KCNQ1: variants seen among roughly 807,000 people sequenced by gnomAD.
KCNQ1 encodes potassium voltage-gated channel subfamily KQT member 1.
Under a neutral mutation model 72.4 loss-of-function variants are expected in KCNQ1, and 49 were observed. The ratio of observed to expected loss-of-function variants is 0.68; its 90% CI spans 0.54 to 0.86. The LOEUF is 0.86. Ranked by LOEUF, KCNQ1 falls within the 40% of genes least tolerant of loss-of-function variation. The pLI is 0.00. For synonymous variants in KCNQ1, 450 were observed against 412.6 expected (o/e 1.09, Z -1.10); for missense variants, 790 against 945.1 (o/e 0.84, Z 2.15).
Position 2,726,737 on chromosome 11 carries a change from G to A in KCNQ1, c.1515-42107G>A, listed in dbSNP as rs972057193. Among the ~76,000 whole-genome samples the A allele has an allele frequency of 2.0e-5, 3 of 152,218 alleles. No homozygotes were observed. The East Asian group carries it at 5.8e-4, about 29-fold the overall frequency. On this transcript the variant is annotated intron_variant, in intron 11 of 15. Coordinates refer to ENST00000155840, the MANE Select transcript of KCNQ1 (RefSeq NM_000218.3). ...AGCTGACTTTAATACGGGGGAAATA[G>A]TGATTTTAAAGCCGGCTTTCCCATG... is the stretch of plus-strand genomic sequence containing the variant.
At position 2,544,212 on chromosome 11, in the gene KCNQ1, A is replaced by G. The variant is rs1847865555; in HGVS notation, c.477+16194A>G. Among the ~76,000 whole-genome samples the G allele has an allele frequency of 6.6e-6, 1 of 151,136 alleles. No individual in the cohort carries two copies. Among genetic ancestry groups the G allele is most frequent in the Non-Finnish European group, 1.5e-5 (1 of 67,958 alleles). ...CCAATATTGAATCCTCTGATCAATGAGATTATCTATCTCATATATATATAT... is the reference window on the plus strand; with the variant it reads ...CCAATATTGAATCCTCTGATCAATGGGATTATCTATCTCATATATATATAT... On this transcript the variant is annotated intron_variant, in intron 2 of 15. Transcript: ENST00000155840. The surrounding 1 kb of genome is among the most constrained non-coding windows in gnomAD (Gnocchi z 4.4).
Position 2,491,265 on chromosome 11 carries a change from C to T in KCNQ1, c.387-36663C>T, listed in dbSNP as rs1846832208. ...AACAAACTAAATAAAGCATCAGGGA[C>T]CAATCCTGAAGAAAAGAGATATGTG... is the stretch of plus-strand genomic sequence containing the variant. On this transcript the variant is annotated intron_variant, in intron 1 of 15. Coordinates refer to ENST00000155840, the MANE Select transcript of KCNQ1 (RefSeq NM_000218.3). The surrounding 1 kb of genome is among the most constrained non-coding windows in gnomAD (Gnocchi z 4.1). Among the ~76,000 whole-genome samples the T allele has an allele frequency of 6.6e-6, 1 of 152,044 alleles. No homozygotes were observed. Among genetic ancestry groups the T allele is most frequent in the Non-Finnish European group, 1.5e-5 (1 of 68,010 alleles).
chr11:2,594,066 C>G (rs1321415810), intron 10 of KCNQ1, among the ~76,000 whole-genome samples: 1 of 152,208 alleles, frequency 6.6e-6, no homozygotes, highest in Non-Finnish European at 1.5e-5. Flanking sequence ...CACAGACTTG[C>G]AGTTTTCTGT....
rs34286049 is a variant in KCNQ1 at position 2,767,188 on chromosome 11, T to TGTGTGTGTA, written c.1515-1656_1515-1655insGTGTGTGTA. 1.6e-4 allele frequency among the ~76,000 whole-genome samples: 22 copies of TGTGTGTGTA among 139,354 alleles called. No homozygotes were observed. Among genetic ancestry groups the TGTGTGTGTA allele is most frequent in the Admixed American group, 5.2e-4 (7 of 13,412 alleles). 91.4% of individuals were successfully genotyped at this position (139,354 alleles called of 152,430 possible). A position where few individuals can be genotyped will look rare whatever the true frequency, so the allele number is the denominator to read the frequency against. Reference sequence around the variant, plus strand: ...TCTATATGTGTGTGTGTGTGTGTATTTTTTTTTTTCTTTGCTTAGCTAGGA... The same window carrying TGTGTGTGTA: ...TCTATATGTGTGTGTGTGTGTGTATTGTGTGTGTATTTTTTTTTCTTTGCTTAGCTAGGA... On this transcript the variant is annotated intron_variant, in intron 11 of 15. Transcript: ENST00000155840. This position sits in a 1 kb window ranked among gnomAD's most constrained non-coding sequence, Gnocchi z 4.6.
Position 2,664,761 on chromosome 11 carries a change from CAG to C in KCNQ1, c.1514+2681_1514+2682del, listed in dbSNP as rs1491093318. On this transcript the variant is annotated intron_variant, in intron 11 of 15. Coordinates refer to ENST00000155840, the MANE Select transcript of KCNQ1 (RefSeq NM_000218.3). The surrounding 1 kb of genome is among the most constrained non-coding windows in gnomAD (Gnocchi z 5.1). ...GACAGGGATGTGTGCTGGGGTCTCA[CAG>C]GGGGCAGAGTGGGTGGGAGGCAGTT... 8 of 398,646 alleles carry C rather than the reference CAG, an allele frequency of 2.0e-5. No homozygotes were observed. Among genetic ancestry groups the C allele is most frequent in the African/African-American group, 1.4e-4 (7 of 48,586 alleles). The allele number at this position is 398,646 out of a possible 1,614,324, so 24.7% of individuals were successfully genotyped here.
chr11:2,727,065 G>C (rs1300043118), intron 11 of KCNQ1, among the ~76,000 whole-genome samples: 2 of 152,216 alleles, frequency 1.3e-5, no homozygotes, highest in Admixed American at 1.3e-4. Flanking sequence ...CCTCTGCCCT[G>C]TTAGGTTTGC....
At chr11:2,504,965 T>C (rs1847079509) in intron 1 of KCNQ1, among the ~76,000 whole-genome samples, 1 of 152,206 alleles carries the variant, frequency 6.6e-6, no homozygotes, top group African/African-American at 2.4e-5. Flanking sequence ...AATTTTTCTG[T>C]TAGTAACGCT....
chr11:2,707,942 G>A (rs750113744), intron 11 of KCNQ1, among the ~76,000 whole-genome samples: 1 of 152,236 alleles, frequency 6.6e-6, no homozygotes, highest in African/African-American at 2.4e-5. Flanking sequence ...CGCCGAACCT[G>A]CATGTGCCAC....
intron 1 of KCNQ1, among the ~76,000 whole-genome samples, chr11:2,503,463 C>T (rs959178784): frequency 6.7e-6 from 1 of 149,224 alleles, no homozygotes; most frequent in Admixed American, 6.8e-5. Context: ...ACCGCATGTT[C>T]TCACTCATAG....
chr11:2,771,838 C>A (rs543080321), intron 12 of KCNQ1, among the ~76,000 whole-genome samples: 1 of 152,310 alleles, frequency 6.6e-6, no homozygotes, highest in South Asian at 2.1e-4. Context: ...GTGAGCCCTG[C>A]ACTCCCTTCC....
chr11:2,594,049 A>G (rs1848704838), intron 10 of KCNQ1, among the ~76,000 whole-genome samples: 1 of 152,026 alleles, frequency 6.6e-6, no homozygotes, highest in Non-Finnish European at 1.5e-5. Flanking sequence ...ACATTGAGAT[A>G]TTTACTCACA....
chr11:2,577,351 G>A (rs1184482634), intron 6 of KCNQ1, among the ~76,000 whole-genome samples: 1 of 152,230 alleles, frequency 6.6e-6, no homozygotes, highest in Non-Finnish European at 1.5e-5. Context: ...TTCGGCCCAG[G>A]AGCAGGGAGG....
Position 2,445,094 on chromosome 11 carries a change from T to C in KCNQ1, c.-5T>C, listed in dbSNP as rs532941548. The C allele has an allele frequency of 4.3e-3, 4,602 of 1,077,632 alleles. 13 individuals are homozygous for C. The highest frequency in any genetic ancestry group is 4.8e-3 in the Non-Finnish European group (4,301 of 888,912). The allele number at this position is 1,077,632 out of a possible 1,614,324, so 66.8% of individuals were successfully genotyped here. A position where few individuals can be genotyped will look rare whatever the true frequency, so the allele number is the denominator to read the frequency against. ...GGGCCGGCCCCCCGGCAGGCCCTCC[T>C]CGTTATGGCCGCGGCCTCCTCCCCG... On this transcript the variant is annotated 5_prime_UTR_variant, in exon 1 of 16. Transcript: ENST00000155840.
chr11:2,523,910 A>G (rs907666509), intron 1 of KCNQ1, among the ~76,000 whole-genome samples: 1 of 151,988 alleles, frequency 6.6e-6, no homozygotes, highest in Non-Finnish European at 1.5e-5. Context: ...CGTGCAGGTC[A>G]CTGAGAGGCT....
intron 11 of KCNQ1, among the ~76,000 whole-genome samples, chr11:2,726,573 G>C (rs1845768351): frequency 6.6e-6 from 1 of 150,950 alleles, no homozygotes; most frequent in African/African-American, 2.4e-5. Context: ...CAGAAGTCCA[G>C]AGGGACACTG....
Position 2,567,551 on chromosome 11 carries a change from GAT to G in KCNQ1, c.478-3075_478-3074del. Among the ~76,000 whole-genome samples the G allele has an allele frequency of 6.6e-6, 1 of 152,310 alleles. No homozygotes were observed. Among genetic ancestry groups the G allele is most frequent in the African/African-American group, 2.4e-5 (1 of 41,564 alleles). ...AGCGTTTGAGGCTGATGGTGGTGGA[GAT>G]AGTTTTATCTCTGAGCAAACATTCC... On this transcript the variant is annotated intron_variant, in intron 2 of 15. Transcript: ENST00000155840. The surrounding 1 kb of genome is among the most constrained non-coding windows in gnomAD (Gnocchi z 6.6).
intron 15 of KCNQ1, among the ~76,000 whole-genome samples, chr11:2,829,920 C>T (rs1847906958): frequency 8.6e-6 from 1 of 115,810 alleles, no homozygotes; most frequent in Non-Finnish European, 1.7e-5. Flanking sequence ...ATAGGGAATT[C>T]TGCCAATACC....
rs543572217 is a variant in KCNQ1, at chr11:2,695,434, T to C, written c.1514+33353T>C. On this transcript the variant is annotated intron_variant, in intron 11 of 15. Coordinates refer to ENST00000155840, the MANE Select transcript of KCNQ1 (RefSeq NM_000218.3). This position sits in a 1 kb window ranked among gnomAD's most constrained non-coding sequence, Gnocchi z 5.2. ...TCATGTACTGAGGCCCTCTTTCTGT[T>C]TGGCATTTGTGTCACTCAGCACTGT... The C allele has an allele frequency of 5.8e-5, 23 of 398,562 alleles. No homozygotes were observed. In the East Asian group the frequency reaches 6.8e-4, roughly 12 times the overall value. 24.7% of individuals were successfully genotyped at this position (398,562 alleles called of 1,614,324 possible).
rs1010745843 is a variant in KCNQ1, at chr11:2,515,441, C to A, written c.387-12487C>A. 2.0e-5 allele frequency among the ~76,000 whole-genome samples: 3 copies of A among 152,312 alleles called. No homozygotes were observed. Among genetic ancestry groups the A allele is most frequent in the African/African-American group, 7.2e-5 (3 of 41,574 alleles). On this transcript the variant is annotated intron_variant, in intron 1 of 15. Coordinates refer to ENST00000155840, the MANE Select transcript of KCNQ1 (RefSeq NM_000218.3). This position sits in a 1 kb window ranked among gnomAD's most constrained non-coding sequence, Gnocchi z 4.7. The stretch of plus-strand genomic sequence containing the variant: ...CAGGGGCGGGGAGGCCTGTCCACCC[C>A]TCCCACCCGTCCCCGAGGCCCCTGC...
Sources: allele counts gnomAD v4.1 joint callset (sites outside exome capture counted in the v4.1 genomes callset), GRCh38; gene constraint gnomAD v4.1.1; non-coding constraint Gnocchi (gnomAD v3.1); transcripts MANE v1.5; gene names NCBI Gene and HGNC (gene_info 2026-07-23, HGNC 2026-07-21).